The following WDR4 variants were observed in gnomAD, a reference collection of about 807,000 sequenced individuals.
The protein encoded by WDR4 is tRNA (guanine-N(7)-)-methyltransferase non-catalytic subunit WDR4.
A neutral mutation model predicts 48.6 loss-of-function variants in WDR4; 47 were observed. That is an observed-to-expected ratio of 0.97 (90% confidence interval 0.77 to 1.23). The LOEUF (loss-of-function observed/expected upper bound fraction) is 1.23. WDR4 is among the 50% of genes most tolerant of loss of function. WDR4 has a pLI of 0.00. For synonymous variants in WDR4, 268 were observed against 230.0 expected (o/e 1.17, Z -1.49); for missense variants, 606 against 551.6 (o/e 1.10, Z -0.99).
upstream of WDR4, among the ~76,000 whole-genome samples, chr21:42,882,700 C>T (rs1329409605): frequency 9.9e-5 from 15 of 152,248 alleles, no homozygotes; most frequent in African/African-American, 3.1e-4. Context: ...CGGTGACTCA[C>T]ACCTGTAATC....
chr21:42,879,601 C>T (rs2058587812), upstream of WDR4: 1 of 1,385,746 alleles, frequency 7.2e-7, no homozygotes, highest in Non-Finnish European at 9.9e-7. Flanking sequence ...ACGTATACCC[C>T]ACGTACCGCG....
intron 6 of WDR4, among the ~76,000 whole-genome samples, chr21:42,857,786 G>C (rs2058029341): frequency 7.9e-6 from 1 of 126,144 alleles, no homozygotes; most frequent in Non-Finnish European, 1.7e-5. Flanking sequence ...ATACGAGATT[G>C]AACAGGAAAG....
At chr21:42,864,512 G>C (rs990682199) in intron 3 of WDR4, among the ~76,000 whole-genome samples, 1 of 152,210 alleles carries the variant, frequency 6.6e-6, no homozygotes, top group Admixed American at 6.5e-5. Flanking sequence ...GCCCAGGGCA[G>C]CAGTGAGGCA....
chr21:42,875,728 C>T lies in WDR4; in HGVS notation c.155+974G>A, dbSNP rs2058474806. Reference sequence around the variant, plus strand: ...TCAAAAAATAATAATAACGATAAAACAAACTGAGCCACAATACCAATGATA... The same window carrying T: ...TCAAAAAATAATAATAACGATAAAATAAACTGAGCCACAATACCAATGATA... On this transcript the variant is annotated intron_variant, in intron 2 of 10. Coordinates refer to ENST00000398208, the MANE Select transcript of WDR4 (RefSeq NM_018669.6). 2.0e-5 allele frequency among the ~76,000 whole-genome samples: 3 copies of T among 152,064 alleles called. 1 individual carries two copies. In the South Asian group the frequency reaches 6.2e-4, roughly 31 times the overall value.
chr21:42,852,442 G>A, intron 9 of WDR4, 118 bp from the exon 10 acceptor site: 1 of 1,171,542 alleles, frequency 8.5e-7, no homozygotes. Context: ...CTGGTGCCTG[G>A]GGACCCCCAT....
the WDR4 span, among the ~76,000 whole-genome samples, chr21:42,887,527 G>C: frequency 6.6e-6 from 1 of 152,148 alleles, no homozygotes; most frequent in South Asian, 2.1e-4. Context: ...ATTTTAAGTA[G>C]ATACTTAGAG....
At chr21:42,886,979 CACT>C in the WDR4 span, 1 of 152,272 alleles carries the variant, frequency 6.6e-6, no homozygotes, top group African/African-American at 2.4e-5. Context: ...CATGCCCCAC[CACT>C]ACTTTTTATT....
At chr21:42,858,492 C>A (rs1022127113) in intron 6 of WDR4, among the ~76,000 whole-genome samples, 4 of 152,190 alleles carry the variant, frequency 2.6e-5, no homozygotes, top group Non-Finnish European at 5.9e-5. Context: ...AACAACCAGG[C>A]CTCAAAGGAG....
intron 3 of WDR4, among the ~76,000 whole-genome samples, chr21:42,872,753 T>C (rs1372474692): frequency 1.3e-5 from 2 of 151,854 alleles, no homozygotes; most frequent in Non-Finnish European, 2.9e-5. Flanking sequence ...CTGGCTAACA[T>C]GGTGAAATCC....
In WDR4 at chr21:42,852,406, G is replaced by C. The variant is rs752461640; in HGVS notation, c.976-82C>G. 293 of 1,497,814 alleles carry C rather than the reference G, an allele frequency of 2.0e-4. 2 individuals are homozygous for C. In the Middle Eastern group the frequency reaches 5.7e-3, roughly 29 times the overall value. The allele number at this position is 1,497,814 out of a possible 1,614,324, so 92.8% of individuals were successfully genotyped here. On this transcript the variant is annotated intron_variant, in intron 9 of 10. Coordinates refer to ENST00000398208, the MANE Select transcript of WDR4 (RefSeq NM_018669.6). ...ACCAGGACGCAACACATGCTGGCCA[G>C]AGAGGCTTGCAGGGGAGGTCCCCTC...
At chr21:42,877,151 T>C (rs1227640752) in intron 1 of WDR4, among the ~76,000 whole-genome samples, 1 of 145,806 alleles carries the variant, frequency 6.9e-6, no homozygotes, top group East Asian at 2.0e-4. Context: ...TTTTTTTTTT[T>C]TTTTTTTTTT....
rs892792404 is a variant in WDR4 at position 42,868,912 on chromosome 21, G to A, written c.296+4639C>T. Among the ~76,000 whole-genome samples, 6 of 152,338 alleles carry A rather than the reference G, an allele frequency of 3.9e-5. No homozygotes were observed. The East Asian group carries it at 9.6e-4, about 24-fold the overall frequency. ...TTCCCGAAGTTTAAAGGCAGGAAGA[G>A]GTACAAGGAAACACTAGCATTTGAG... On this transcript the variant is annotated intron_variant, in intron 3 of 10. Transcript: ENST00000398208.
downstream of WDR4, among the ~76,000 whole-genome samples, chr21:42,846,995 GCCACCGCACT>G (rs2057716354): frequency 6.6e-6 from 1 of 151,008 alleles, no homozygotes; most frequent in African/African-American, 2.4e-5. Context: ...CCGAGATTGT[GCCACCGCACT>G]CCAGCCTGGG....
At chr21:42,888,724 A>G in the WDR4 span, among the ~76,000 whole-genome samples, 4 of 148,746 alleles carry the variant, frequency 2.7e-5, no homozygotes, top group Admixed American at 2.7e-4. Flanking sequence ...TTTTAGAGAC[A>G]GAGTCTTGCT....
rs1281102074 is a variant in WDR4, at chr21:42,850,229, T to C, written c.1059A>G (p.Ala353=). ...NWAMLEGSAG[A]DASFSSLYKA... ...TGTAGAGACTGCTGAAGCTGGCGTC[T>C]GCGCCGGCAGAGCCTGTGATGGGGG... The change falls in exon 11 of 11, where the codon GCA becomes GCG. Residue 353 remains alanine (A), a synonymous_variant. Coordinates refer to ENST00000398208, the MANE Select transcript of WDR4 (RefSeq NM_018669.6). 4 of 1,597,048 alleles carry C rather than the reference T, an allele frequency of 2.5e-6. No homozygotes were observed. The South Asian group carries it at 4.5e-5, about 18-fold the overall frequency.
intron 3 of WDR4, among the ~76,000 whole-genome samples, chr21:42,865,023 T>C (rs1278251977): frequency 1.3e-5 from 2 of 152,040 alleles, no homozygotes; most frequent in Non-Finnish European, 2.9e-5. Context: ...AGATGGAAGC[T>C]TCAGGAACGC....
rs1345400885 is a variant in WDR4, at chr21:42,849,877, C to CT, written c.*171dup. The CT allele has an allele frequency of 5.2e-5, 40 of 770,562 alleles. No individual in the cohort carries two copies. Among genetic ancestry groups the CT allele is most frequent in the Admixed American group, 3.8e-4 (13 of 34,386 alleles). 47.7% of individuals were successfully genotyped at this position (770,562 alleles called of 1,614,324 possible). A position where few individuals can be genotyped will look rare whatever the true frequency, so the allele number is the denominator to read the frequency against. ...GGGGGCACAGGCACCCAGCAAGAGC[C>CT]TGTGCTGGTGACACAGAATGTTCTT... On this transcript the variant is annotated 3_prime_UTR_variant, in exon 11 of 11. Coordinates refer to ENST00000398208, the MANE Select transcript of WDR4 (RefSeq NM_018669.6).
At chr21:42,851,737 G>A (rs2057833450) in intron 10 of WDR4, among the ~76,000 whole-genome samples, 1 of 152,228 alleles carries the variant, frequency 6.6e-6, no homozygotes, top group South Asian at 2.1e-4. Context: ...CACGGGAGTT[G>A]CTGGCTAGAT....
chr21:42,854,708 C>T (rs781033216), intron 7 of WDR4, 82 bp from the exon 8 acceptor site: 16 of 1,348,258 alleles, frequency 1.2e-5, no homozygotes, highest in Admixed American at 2.3e-5. Flanking sequence ...AGAGCAAGAC[C>T]GAAGGACGCT....
Sources: allele counts gnomAD v4.1 joint callset (sites outside exome capture counted in the v4.1 genomes callset), GRCh38; gene constraint gnomAD v4.1.1; transcripts MANE v1.5; gene names NCBI Gene and HGNC (gene_info 2026-07-23, HGNC 2026-07-21).